Variants in HAPLN1 observed in about 807,000 individuals in gnomAD.
The protein encoded by HAPLN1 is Cartilage link protein.
Under a neutral mutation model 36.5 loss-of-function variants are expected in HAPLN1, and 13 were observed. That is an observed-to-expected ratio of 0.36 (90% CI 0.23 to 0.57). The LOEUF (loss-of-function observed/expected upper bound fraction) is 0.57. HAPLN1 is among the 20% of genes least tolerant of loss of function. The pLI is 0.83. For missense variants in HAPLN1, 407 were observed against 439.7 expected (o/e 0.93, Z 0.66); for synonymous variants, 202 against 169.8 (o/e 1.19, Z -1.48).
chr5:83,658,290 T>TA (rs894055354), intron 2 of HAPLN1, among the ~76,000 whole-genome samples: 5 of 152,210 alleles, frequency 3.3e-5, no homozygotes, highest in South Asian at 2.1e-4. Flanking sequence ...TCACTGTGCT[T>TA]ACCATGGTCT....
At chr5:83,646,068 G>T (rs114427244) in intron 3 of HAPLN1, among the ~76,000 whole-genome samples, 4,202 of 152,196 alleles carry the variant, frequency 0.028, 79 homozygotes, top group Middle Eastern at 0.048. Flanking sequence ...ATTTCTTTTG[G>T]TCAAATAATT....
chr5:83,677,574 G>A (rs1750887782), intron 1 of HAPLN1, among the ~76,000 whole-genome samples: 1 of 152,088 alleles, frequency 6.6e-6, no homozygotes, highest in Admixed American at 6.5e-5. Context: ...CCCTTAGCCT[G>A]GGTCTGATCC....
At chr5:83,651,927 A>C (rs1750073362) in intron 3 of HAPLN1, 2 of 152,532 alleles carry the variant, frequency 1.3e-5, no homozygotes, top group South Asian at 4.1e-4. Flanking sequence ...CGTATGGCTA[A>C]GCGACTCTGA....
At chr5:83,661,278 T>C (rs540272077) in intron 2 of HAPLN1, among the ~76,000 whole-genome samples, 2 of 152,102 alleles carry the variant, frequency 1.3e-5, no homozygotes, top group East Asian at 3.9e-4. Flanking sequence ...GTATCTATAG[T>C]ATTCAATTCC....
intron 1 of HAPLN1, among the ~76,000 whole-genome samples, chr5:83,707,323 C>T (rs1310749278): frequency 6.6e-6 from 1 of 152,094 alleles, no homozygotes. Context: ...ACATTACCCA[C>T]CTTCAAACTA....
intron 1 of HAPLN1, among the ~76,000 whole-genome samples, chr5:83,710,946 G>C (rs185150171): frequency 1.6e-4 from 24 of 151,298 alleles, no homozygotes; most frequent in Non-Finnish European, 3.1e-4. Context: ...GAGAGATTCC[G>C]TCTCAAAAAA....
intron 3 of HAPLN1, among the ~76,000 whole-genome samples, chr5:83,645,475 C>CTTTTTTTTTCTT (rs1554047320): frequency 1.3e-5 from 1 of 74,370 alleles, no homozygotes; most frequent in Admixed American, 1.6e-4. Context: ...CTTTTTCTTT[C>CTTTTTTTTTCTT]TTTTTTTTTT....
intron 1 of HAPLN1, among the ~76,000 whole-genome samples, chr5:83,697,932 T>C (rs970525280): frequency 5.3e-5 from 8 of 152,144 alleles, no homozygotes; most frequent in Admixed American, 5.2e-4. Context: ...ATTCTGGATA[T>C]ATACTAGCAT....
intron 2 of HAPLN1, among the ~76,000 whole-genome samples, chr5:83,663,799 C>CTTTTT (rs71605866): frequency 8.2e-6 from 1 of 121,882 alleles, no homozygotes; most frequent in Non-Finnish European, 1.7e-5. Context: ...TCTTCCTTCA[C>CTTTTT]TTTTTTTTTT....
intron 1 of HAPLN1, among the ~76,000 whole-genome samples, chr5:83,705,420 A>T (rs115745053): frequency 6.6e-6 from 1 of 151,814 alleles, no homozygotes; most frequent in South Asian, 2.1e-4. Flanking sequence ...GAAAGAAAGA[A>T]AATTGCTCAA....
At chr5:83,720,353 C>T (rs1354813675) in intron 1 of HAPLN1, among the ~76,000 whole-genome samples, 4 of 152,166 alleles carry the variant, frequency 2.6e-5, no homozygotes. Context: ...TTTCACATAA[C>T]CCTATATATT....
intron 2 of HAPLN1, among the ~76,000 whole-genome samples, chr5:83,654,494 A>G (rs1236406832): frequency 6.6e-6 from 1 of 152,184 alleles, no homozygotes; most frequent in Non-Finnish European, 1.5e-5. Context: ...CTACTGAAAC[A>G]TCTCTAGTGC....
intron 3 of HAPLN1, among the ~76,000 whole-genome samples, chr5:83,646,595 ATCTCATTCTGCC>A (rs1451524718): frequency 2.6e-5 from 4 of 152,208 alleles, no homozygotes; most frequent in Non-Finnish European, 5.9e-5. Flanking sequence ...AGGCTTCCTG[ATCTCATTCTGCC>A]TTCTCAGGTT....
At chr5:83,691,697 G>A (rs984934976) in intron 1 of HAPLN1, among the ~76,000 whole-genome samples, 1 of 151,622 alleles carries the variant, frequency 6.6e-6, no homozygotes, top group African/African-American at 2.4e-5. Context: ...TAAAACATAC[G>A]GAATCCAACA....
At chr5:83,663,265 T>A (rs1439335857) in intron 2 of HAPLN1, among the ~76,000 whole-genome samples, 1 of 152,208 alleles carries the variant, frequency 6.6e-6, no homozygotes, top group Non-Finnish European at 1.5e-5. Flanking sequence ...ACATTTTTAA[T>A]GCAAAAATCT....
At chr5:83,670,670 C>T (rs1418527430) in intron 2 of HAPLN1, among the ~76,000 whole-genome samples, 1 of 149,734 alleles carries the variant, frequency 6.7e-6, no homozygotes, top group African/African-American at 2.5e-5. Context: ...TCCTGGCCAT[C>T]TGCCTTTTTA....
At chr5:83,673,398 T>C in intron 2 of HAPLN1, 26 bp downstream of exon 2, 1 of 1,471,302 alleles carries the variant, frequency 6.8e-7, no homozygotes. Context: ...AATTAGGCTT[T>C]GATAAGAGAA....
In HAPLN1 at chr5:83,641,589, G is replaced by A; in HGVS notation, c.972C>T (p.Arg324=). The change falls in exon 5 of 5, where the codon CGC becomes CGT. Residue 324 remains arginine (R), a synonymous_variant. Transcript: ENST00000274341. ...VRYPISRPRR[R]CSPTEAAVRF... is the part of the protein sequence containing the mutation. The stretch of plus-strand genomic sequence containing the variant: ...GCACTGCAGCCTCAGTAGGACTGCA[G>A]CGCCTTCTTGGCCTAGAGATGGGGT... 1 of 1,614,206 alleles carries A rather than the reference G, an allele frequency of 6.2e-7. No homozygotes were observed. The highest frequency in any genetic ancestry group is 8.5e-7 in the Non-Finnish European group (1 of 1,180,042).
At chr5:83,695,583 G>T (rs1271009010) in intron 1 of HAPLN1, among the ~76,000 whole-genome samples, 3 of 144,412 alleles carry the variant, frequency 2.1e-5, no homozygotes, top group African/African-American at 5.1e-5. Flanking sequence ...AATATATATA[G>T]AGATAAATAT....
Sources: gnomAD v4.1 joint callset for allele counts (sites outside exome capture counted in the v4.1 genomes callset) on GRCh38, gnomAD v4.1.1 for gene constraint, MANE v1.5 for transcripts, NCBI Gene and HGNC (gene_info 2026-07-23, HGNC 2026-07-21) for gene names.